The following ZFHX3 variants were observed in gnomAD, a reference collection of about 807,000 sequenced individuals.
The protein encoded by ZFHX3 is zinc finger homeobox protein 3.
In ZFHX3, 42 loss-of-function variants were observed where a neutral mutation model predicts 279.1. The observed-to-expected ratio is 0.15, with a 90% CI of 0.12 to 0.19. The LOEUF is 0.19. ZFHX3 is among the 10% of genes least tolerant of loss of function. The pLI, the probability that ZFHX3 is intolerant of heterozygous loss-of-function variation, is 1.00. For synonymous variants in ZFHX3, 2,293 were observed against 1,957.8 expected (o/e 1.17, Z -4.52); for missense variants, 4,981 against 4,754.0 (o/e 1.05, Z -1.40).
intron 5 of ZFHX3, chr16:73,232,525 T>A (rs1245021169): frequency 6.6e-6 from 1 of 151,866 alleles, no homozygotes; most frequent in Non-Finnish European, 1.5e-5. Context: ...GAGGGAGCAA[T>A]AGCAAGAAAA....
At chr16:73,774,394 T>C (rs1230639169) in intron 1 of ZFHX3, among the ~76,000 whole-genome samples, 5 of 152,140 alleles carry the variant, frequency 3.3e-5, no homozygotes, top group Non-Finnish European at 5.9e-5. Context: ...GCCTTCACAG[T>C]CCATGCTGGC....
At chr16:73,130,859 C>G in intron 7 of ZFHX3, 1 of 931,480 alleles carries the variant, frequency 1.1e-6, no homozygotes, top group Non-Finnish European at 1.4e-6. Flanking sequence ...CCACCTGCCT[C>G]GGCCTCCCAA....
chr16:73,574,745 C>T lies in ZFHX3; in HGVS notation c.-1547+105435G>A, dbSNP rs114273528. Among the ~76,000 whole-genome samples, 456 of 152,264 alleles carry T rather than the reference C, an allele frequency of 3.0e-3. 1 individual carries two copies. Among genetic ancestry groups the T allele is most frequent in the African/African-American group, 0.011 (441 of 41,562 alleles). Reference sequence around the variant, plus strand: ...AGTCAAGGTCCTCGGTCAAGAGCCACCTCCTTGAACTATCTTTCTGCTCCT... The same window carrying T: ...AGTCAAGGTCCTCGGTCAAGAGCCATCTCCTTGAACTATCTTTCTGCTCCT... On this transcript the variant is annotated intron_variant, in intron 2 of 17. Transcript: ENST00000641206.
rs149492216 is a variant in ZFHX3 at position 73,781,101 on chromosome 16, T to C, written c.-1607-100861A>G. Among the ~76,000 whole-genome samples the C allele has an allele frequency of 2.7e-3, 410 of 152,278 alleles. 1 individual carries two copies. The highest frequency in any genetic ancestry group is 0.01 in the Middle Eastern group (3 of 294). ...TGGGAAGATGAGGAAATTAATATAA[T>C]TTGGGAGCTCTCAAGGAAGTCGGAG... On this transcript the variant is annotated intron_variant, in intron 1 of 17. Transcript: ENST00000641206.
chr16:73,698,020 T>C (rs1292512443), intron 1 of ZFHX3, among the ~76,000 whole-genome samples: 4 of 151,728 alleles, frequency 2.6e-5, no homozygotes, highest in African/African-American at 4.8e-5. Context: ...TGCCACAGCA[T>C]AAGAGACAAC....
intron 2 of ZFHX3, chr16:73,499,837 T>G (rs893677974): frequency 1.3e-5 from 2 of 152,192 alleles, no homozygotes; most frequent in Admixed American, 1.3e-4. Flanking sequence ...CCTGTAAGAT[T>G]ACAATGGCGC....
rs770049502 is a variant in ZFHX3 at position 72,795,104 on chromosome 16, C to G, written c.7578G>C (p.Gln2526His). The stretch of plus-strand genomic sequence containing the variant: ...ACTGGTCACACTGGTAGGGGATTAG[C>G]TGAGGAGGTAGGTTTGCGAGCTGTT... The part of the protein sequence containing the change: ...TPQQLANLPP[Q>H]LIPYQCDQCK... The change falls in exon 9 of 10, where the codon CAG (glutamine) becomes CAC (histidine). Residue 2526 changes from glutamine (Q) to histidine (H), a missense_variant. Around this residue, in one of 7 missense-constraint regions of ZFHX3, gnomAD observed 744 missense variants for 701.3 expected, o/e 1.06. Transcript: ENST00000268489. 3.7e-6 allele frequency: 6 copies of G among 1,613,672 alleles called. No individual in the cohort carries two copies. Among genetic ancestry groups the G allele is most frequent in the Middle Eastern group, 1.6e-4 (1 of 6,084 alleles).
chr16:73,768,714 A>G (rs2053982563), intron 1 of ZFHX3, among the ~76,000 whole-genome samples: 2 of 152,206 alleles, frequency 1.3e-5, no homozygotes, highest in South Asian at 4.1e-4. Context: ...ATTTGAGATA[A>G]CAGATTAAAT....
At chr16:73,274,219 C>T (rs958351621) in intron 4 of ZFHX3, among the ~76,000 whole-genome samples, 5 of 152,172 alleles carry the variant, frequency 3.3e-5, no homozygotes, top group East Asian at 3.8e-4. Flanking sequence ...CTGTGAAGAA[C>T]GGTGGTGTAA....
At chr16:73,346,997 G>A (rs943262181) in intron 3 of ZFHX3, among the ~76,000 whole-genome samples, 1 of 152,166 alleles carries the variant, frequency 6.6e-6, no homozygotes, top group Admixed American at 6.5e-5. Context: ...GTGTTACAAG[G>A]GGAGGAAATT....
At chr16:72,917,625 T>C (rs561834433) in intron 3 of ZFHX3, among the ~76,000 whole-genome samples, 11 of 152,248 alleles carry the variant, frequency 7.2e-5, no homozygotes, top group African/African-American at 2.7e-4. Flanking sequence ...TAAAGCTTTT[T>C]AGAAGCCAGT....
rs1567389922 is a variant in ZFHX3, at chr16:73,105,442, C to CATATATATATATAT, written c.-896-11845_-896-11844insATATATATATATAT. Among the ~76,000 whole-genome samples the CATATATATATATAT allele has an allele frequency of 4.1e-4, 25 of 61,392 alleles. 2 individuals are homozygous for CATATATATATATAT. Among genetic ancestry groups the CATATATATATATAT allele is most frequent in the East Asian group, 9.5e-4 (3 of 3,146 alleles). The allele number at this position is 61,392 out of a possible 152,430, so 40.3% of individuals were successfully genotyped here. On this transcript the variant is annotated intron_variant, in intron 7 of 17. Transcript: ENST00000641206. ...ACATATATATATATATACACACACA[C>CATATATATATATAT]ACATATATATATATATTTTTTCCCC... is the stretch of plus-strand genomic sequence containing the variant.
intron 1 of ZFHX3, among the ~76,000 whole-genome samples, chr16:73,716,896 C>T (rs1253997142): frequency 6.6e-6 from 1 of 152,058 alleles, no homozygotes; most frequent in Non-Finnish European, 1.5e-5. Context: ...GAAGCCCCGT[C>T]ATTATTTTTT....
At chr16:73,477,342 T>G (rs2018781959) in intron 2 of ZFHX3, among the ~76,000 whole-genome samples, 1 of 152,250 alleles carries the variant, frequency 6.6e-6, no homozygotes, top group African/African-American at 2.4e-5. Context: ...AGTAAGGAAA[T>G]TCAGTACCTA....
chr16:73,613,705 G>A lies in ZFHX3; in HGVS notation c.-1547+66475C>T, dbSNP rs150712030. ...TAGCTACTTTGAAATGTTTCTGGAG[G>A]GTCCATTCTATGGAGATTGTGTGCC... On this transcript the variant is annotated intron_variant, in intron 2 of 17. Coordinates refer to the ZFHX3 transcript ENST00000641206. Among the ~76,000 whole-genome samples the A allele has an allele frequency of 1.8e-3, 272 of 152,288 alleles. 1 individual carries two copies. The highest frequency in any genetic ancestry group is 3.2e-3 in the Non-Finnish European group (221 of 68,034).
At chr16:73,472,282 A>AC (rs2018681944) in intron 2 of ZFHX3, among the ~76,000 whole-genome samples, 1 of 151,778 alleles carries the variant, frequency 6.6e-6, no homozygotes, top group Non-Finnish European at 1.5e-5. Flanking sequence ...AAAAAAAAAA[A>AC]AAAAACAGCA....
chr16:73,141,081 G>T (rs574070217), intron 6 of ZFHX3, among the ~76,000 whole-genome samples: 55 of 152,220 alleles, frequency 3.6e-4, no homozygotes, highest in Non-Finnish European at 6.2e-4. Flanking sequence ...CCCCAGTCGG[G>T]CTGTGAAAGA....
intron 2 of ZFHX3, among the ~76,000 whole-genome samples, chr16:73,527,014 G>C (rs2019707425): frequency 1.3e-5 from 2 of 152,042 alleles, no homozygotes; most frequent in South Asian, 2.1e-4. Flanking sequence ...ACTAGTTTGA[G>C]AATGGGGTTT....
intron 1 of ZFHX3, among the ~76,000 whole-genome samples, chr16:73,035,490 T>C (rs1203409382): frequency 1.3e-5 from 2 of 152,198 alleles, no homozygotes; most frequent in African/African-American, 4.8e-5. Context: ...AATGATACTT[T>C]TAAATGGGCT....
Sources: gnomAD v4.1 joint callset for allele counts (sites outside exome capture counted in the v4.1 genomes callset) on GRCh38, gnomAD v4.1.1 for gene constraint, gnomAD v4.1.1 regional missense constraint, MANE v1.5 for transcripts, NCBI Gene and HGNC (gene_info 2026-07-23, HGNC 2026-07-21) for gene names.